Variants in KCNJ6 observed in about 807,000 individuals in gnomAD.
KCNJ6 encodes G protein-activated inward rectifier potassium channel 2.
KCNJ6 carries 9 observed loss-of-function variants against 34.2 expected under a neutral mutation model. The ratio of observed to expected loss-of-function variants is 0.26; its 90% confidence interval spans 0.16 to 0.46. The LOEUF (loss-of-function observed/expected upper bound fraction) is 0.46. Ranked by LOEUF, KCNJ6 falls within the 20% of genes least tolerant of loss-of-function variation. The pLI, the probability that KCNJ6 is intolerant of heterozygous loss-of-function variation, is 1.00. For missense variants in KCNJ6, 236 were observed against 531.3 expected (o/e 0.44, Z 5.46); for synonymous variants, 196 against 207.1 (o/e 0.95, Z 0.46).
intron 3 of KCNJ6, among the ~76,000 whole-genome samples, chr21:37,662,583 TC>T (rs1308091890): frequency 1.3e-5 from 2 of 152,228 alleles, no homozygotes; most frequent in Non-Finnish European, 2.9e-5. Flanking sequence ...CATGCATGTA[TC>T]TTTGTAATAG....
At chr21:37,818,095 C>A (rs958012305) in intron 2 of KCNJ6, among the ~76,000 whole-genome samples, 1 of 152,178 alleles carries the variant, frequency 6.6e-6, no homozygotes, top group African/African-American at 2.4e-5. Context: ...TCTCTGCCCC[C>A]AAACATTCCC....
intron 1 of KCNJ6, among the ~76,000 whole-genome samples, chr21:37,899,781 G>GT (rs2055807724): frequency 6.6e-6 from 1 of 152,196 alleles, no homozygotes; most frequent in Non-Finnish European, 1.5e-5. Context: ...TGGGAAAACA[G>GT]TAAGTTCCCT....
chr21:37,778,454 T>G (rs559720026), intron 2 of KCNJ6, among the ~76,000 whole-genome samples: 4 of 152,354 alleles, frequency 2.6e-5, no homozygotes, highest in South Asian at 4.1e-4. Flanking sequence ...TACTTTTTTT[T>G]GTATTTTTCC....
At chr21:37,898,568 C>T (rs578204598) in intron 1 of KCNJ6, among the ~76,000 whole-genome samples, 1 of 137,028 alleles carries the variant, frequency 7.3e-6, no homozygotes, top group Admixed American at 7.8e-5. Flanking sequence ...GCTGACAGAG[C>T]AAAGACTCCA....
intron 2 of KCNJ6, among the ~76,000 whole-genome samples, chr21:37,764,301 A>G (rs1190818950): frequency 1.3e-5 from 2 of 152,186 alleles, no homozygotes; most frequent in African/African-American, 4.8e-5. Flanking sequence ...CAGAGTATTT[A>G]GGAAGCATGA....
At chr21:37,900,762 G>A (rs1489471519) in intron 1 of KCNJ6, among the ~76,000 whole-genome samples, 4 of 152,150 alleles carry the variant, frequency 2.6e-5, no homozygotes, top group African/African-American at 9.7e-5. Context: ...TATCCATCAT[G>A]TTAGAGAAAC....
intron 3 of KCNJ6, among the ~76,000 whole-genome samples, chr21:37,655,242 AG>A (rs1364624430): frequency 8.0e-4 from 9 of 11,232 alleles, no homozygotes; most frequent in Middle Eastern, 0.05. Context: ...AGAGAGAGAG[AG>A]AGAGAGAGAG....
chr21:37,680,518 G>A (rs111466691), intron 3 of KCNJ6, among the ~76,000 whole-genome samples: 18 of 152,332 alleles, frequency 1.2e-4, no homozygotes, highest in African/African-American at 3.6e-4. Context: ...AGATACTTCC[G>A]TGAGAGTGGT....
chr21:37,902,039 T>A (rs1420545192), intron 1 of KCNJ6, among the ~76,000 whole-genome samples: 2 of 152,168 alleles, frequency 1.3e-5, no homozygotes, highest in African/African-American at 4.8e-5. Flanking sequence ...TCAAAGCTCA[T>A]CCCATAGAAC....
At chr21:37,889,429 G>A (rs1037015894) in intron 1 of KCNJ6, among the ~76,000 whole-genome samples, 1 of 143,644 alleles carries the variant, frequency 7.0e-6, no homozygotes, top group African/African-American at 2.5e-5. Flanking sequence ...GACGGCAGAA[G>A]AACAGGGTAA....
intron 3 of KCNJ6, among the ~76,000 whole-genome samples, chr21:37,650,038 C>G (rs1455771786): frequency 6.6e-6 from 1 of 151,970 alleles, no homozygotes; most frequent in East Asian, 1.9e-4. Flanking sequence ...GCTGGGATTA[C>G]AGGTGTGAAC....
chr21:37,815,338 A>T (rs924846175), intron 2 of KCNJ6, among the ~76,000 whole-genome samples: 1 of 152,246 alleles, frequency 6.6e-6, no homozygotes, highest in African/African-American at 2.4e-5. Context: ...TGATGTGATT[A>T]TTATGCATTG....
At chr21:37,661,613 A>ATTTTTTTTTT (rs1324340711) in intron 3 of KCNJ6, among the ~76,000 whole-genome samples, 3 of 47,268 alleles carry the variant, frequency 6.3e-5, no homozygotes, top group African/African-American at 1.5e-4. Flanking sequence ...TAAGAGACAT[A>ATTTTTTTTTT]GTTTTTTTTT....
chr21:37,782,561 A>G (rs1261706347), intron 2 of KCNJ6, among the ~76,000 whole-genome samples: 1 of 151,976 alleles, frequency 6.6e-6, no homozygotes, highest in Non-Finnish European at 1.5e-5. Flanking sequence ...TTCCTCCTTC[A>G]TGGCCACAAC....
At chr21:37,847,620 T>G (rs1393764158) in intron 1 of KCNJ6, among the ~76,000 whole-genome samples, 1 of 152,144 alleles carries the variant, frequency 6.6e-6, no homozygotes, top group Non-Finnish European at 1.5e-5. Context: ...AGCTTCCAGT[T>G]TGGTCCAGAA....
At chr21:37,787,088 G>A (rs991579872) in intron 2 of KCNJ6, among the ~76,000 whole-genome samples, 1 of 152,146 alleles carries the variant, frequency 6.6e-6, no homozygotes, top group African/African-American at 2.4e-5. Context: ...CCTGGATTCT[G>A]TTCTCTTTTG....
At chr21:37,627,057 A>G (rs1254340064) in intron 3 of KCNJ6, among the ~76,000 whole-genome samples, 1 of 152,152 alleles carries the variant, frequency 6.6e-6, no homozygotes, top group African/African-American at 2.4e-5. Flanking sequence ...ATGCAGGTGG[A>G]TTAGGGAGAA....
intron 1 of KCNJ6, among the ~76,000 whole-genome samples, chr21:37,857,007 A>C (rs1275520667): frequency 6.6e-6 from 1 of 152,238 alleles, no homozygotes; most frequent in Non-Finnish European, 1.5e-5. Context: ...TGAGGTGCCG[A>C]TACTCCAATG....
At chr21:37,795,759 C>A (rs12481779) in intron 2 of KCNJ6, among the ~76,000 whole-genome samples, 68,531 of 148,668 alleles carry the variant, frequency 0.46, 16,692 homozygotes, top group Middle Eastern at 0.53. Flanking sequence ...AAAAAAAAAC[C>A]CTGCCACATA....
Sources: gnomAD v4.1 joint callset for allele counts (sites outside exome capture counted in the v4.1 genomes callset) on GRCh38, gnomAD v4.1.1 for gene constraint, MANE v1.5 for transcripts, NCBI Gene and HGNC (gene_info 2026-07-23, HGNC 2026-07-21) for gene names.